The following ANKRD11 variants were observed in gnomAD, a reference collection of about 807,000 sequenced individuals.
ANKRD11 encodes ankyrin repeat domain 11.
A neutral mutation model predicts 195.7 loss-of-function variants in ANKRD11; 17 were observed. That is an observed-to-expected ratio of 0.09 (90% CI 0.06 to 0.13). The LOEUF (loss-of-function observed/expected upper bound fraction) is 0.13, where lower values mean the gene tolerates loss of function less well. ANKRD11 is among the 10% of genes least tolerant of loss of function. ANKRD11 has a pLI of 1.00. For synonymous variants in ANKRD11, 1,953 were observed against 1,528.1 expected (o/e 1.28, Z -6.49); for missense variants, 3,735 against 3,566.1 (o/e 1.05, Z -1.21).
At chr16:89,320,243 G>C (rs910830299) in intron 2 of ANKRD11, 1 of 152,170 alleles carries the variant, frequency 6.6e-6, no homozygotes, top group South Asian at 2.1e-4. Context: ...CTGCACAGCC[G>C]ACCACACAAC....
intron 2 of ANKRD11, among the ~76,000 whole-genome samples, chr16:89,385,045 C>T (rs2040849142): frequency 6.6e-6 from 1 of 151,678 alleles, no homozygotes; most frequent in African/African-American, 2.4e-5. Context: ...ACCACCATGC[C>T]AGGCTAATTT....
chr16:89,359,975 G>A (rs1007676345), intron 2 of ANKRD11, among the ~76,000 whole-genome samples: 1 of 151,962 alleles, frequency 6.6e-6, no homozygotes, highest in African/African-American at 2.4e-5. Context: ...TGGGCGGGGG[G>A]GGAGGTTGTA....
chr16:89,449,741 C>T (rs1296130591), intron 1 of ANKRD11, among the ~76,000 whole-genome samples: 1 of 152,016 alleles, frequency 6.6e-6, no homozygotes, highest in East Asian at 1.9e-4. Context: ...TGCAGTGAGC[C>T]GAGATTGTGT....
intron 1 of ANKRD11, among the ~76,000 whole-genome samples, chr16:89,458,218 G>A (rs968742476): frequency 2.0e-5 from 3 of 151,770 alleles, no homozygotes; most frequent in South Asian, 2.1e-4. Flanking sequence ...CTTGCTTTAC[G>A]TAATTTCATT....
intron 1 of ANKRD11, among the ~76,000 whole-genome samples, chr16:89,466,377 C>T (rs533200856): frequency 1.1e-4 from 16 of 152,062 alleles, no homozygotes; most frequent in Non-Finnish European, 1.9e-4. Context: ...ACACAGGGGA[C>T]CGCATGAGGA....
Position 89,285,054 on chromosome 16 carries a change from C to T in ANKRD11, c.1488G>A (p.Leu496=). The change falls in exon 9 of 13, where the codon CTG becomes CTA. Residue 496 remains leucine (L), a synonymous_variant. Transcript: ENST00000301030. This position sits in a 1 kb window ranked among gnomAD's most constrained non-coding sequence, Gnocchi z 5.6. ...SESGEDDRDS[L]GSSGCLKGSP... Reference sequence around the variant, plus strand: ...ACCCCTTGAGGCAGCCAGAGCTCCCCAGAGAGTCCCTGTCATCCTCCCCAC... The same window carrying T: ...ACCCCTTGAGGCAGCCAGAGCTCCCTAGAGAGTCCCTGTCATCCTCCCCAC... The T allele has an allele frequency of 1.9e-6, 3 of 1,613,942 alleles. No individual in the cohort carries two copies. The highest frequency in any genetic ancestry group is 1.7e-6 in the Non-Finnish European group (2 of 1,180,014).
intron 2 of ANKRD11, among the ~76,000 whole-genome samples, chr16:89,367,836 T>A (rs1597804574): frequency 6.6e-6 from 1 of 152,202 alleles, no homozygotes; most frequent in East Asian, 1.9e-4. Context: ...GGCGAAACCC[T>A]GTCTCTACAA....
At chr16:89,440,321 G>T (rs551330402) in intron 1 of ANKRD11, among the ~76,000 whole-genome samples, 14 of 152,326 alleles carry the variant, frequency 9.2e-5, no homozygotes, top group African/African-American at 3.4e-4. Flanking sequence ...ACCAGAAAAT[G>T]TCTCGGTCCA....
chr16:89,461,959 A>C (rs1473265724), intron 1 of ANKRD11, among the ~76,000 whole-genome samples: 1 of 151,966 alleles, frequency 6.6e-6, no homozygotes, highest in Non-Finnish European at 1.5e-5. Flanking sequence ...CCATCCCAGC[A>C]TCTTCTTAAT....
rs891245426 is a variant in ANKRD11 at position 89,418,304 on chromosome 16, A to T, written c.-80T>A. On this transcript the variant is annotated 5_prime_UTR_variant, in exon 2 of 13. Transcript: ENST00000301030. ...TTTACCGATTCCATAGCTGAAAGTC[A>T]GTGCTGACGAGGACTGTCTTTTAAA... The T allele has an allele frequency of 2.2e-6, 1 of 454,108 alleles. No homozygotes were observed. The highest frequency in any genetic ancestry group is 2.3e-5 in the Admixed American group (1 of 42,572). 28.1% of individuals were successfully genotyped at this position (454,108 alleles called of 1,614,324 possible). A position where few individuals can be genotyped will look rare whatever the true frequency, so the allele number is the denominator to read the frequency against.
At chr16:89,351,114 CAGAG>C (rs1288236475) in intron 2 of ANKRD11, among the ~76,000 whole-genome samples, 6 of 152,198 alleles carry the variant, frequency 3.9e-5, no homozygotes, top group Non-Finnish European at 8.8e-5. Context: ...AAGAAGCTCT[CAGAG>C]AGAATGCACG....
intron 12 of ANKRD11, 81 bp downstream of exon 12, chr16:89,270,736 G>A (rs1055067755): frequency 1.9e-5 from 26 of 1,400,454 alleles, no homozygotes; most frequent in South Asian, 4.8e-5. Context: ...CCCAGGCAGC[G>A]CAAAGGGGGT....
At chr16:89,302,114 GC>G (rs2035892884) in intron 4 of ANKRD11, among the ~76,000 whole-genome samples, 2 of 152,204 alleles carry the variant, frequency 1.3e-5, no homozygotes, top group African/African-American at 4.8e-5. Context: ...CTGCTGGTGT[GC>G]GCCTCTCCCT....
At chr16:89,343,324 T>C (rs1198321078) in intron 2 of ANKRD11, among the ~76,000 whole-genome samples, 1 of 152,224 alleles carries the variant, frequency 6.6e-6, no homozygotes, top group African/African-American at 2.4e-5. Context: ...AATACCTGTG[T>C]TCCCAAAAAC....
intron 2 of ANKRD11, chr16:89,395,744 C>T (rs1410718788): frequency 6.6e-6 from 1 of 152,202 alleles, no homozygotes; most frequent in African/African-American, 2.4e-5. Flanking sequence ...GACTGAATAG[C>T]TTGGTACACT....
At chr16:89,352,395 G>T (rs555034620) in intron 2 of ANKRD11, among the ~76,000 whole-genome samples, 4 of 151,554 alleles carry the variant, frequency 2.6e-5, no homozygotes, top group African/African-American at 9.7e-5. Context: ...AAACCAAGCA[G>T]AAGGCCACAG....
chr16:89,473,680 G>C (rs1225654988), intron 1 of ANKRD11, among the ~76,000 whole-genome samples: 1 of 152,174 alleles, frequency 6.6e-6, no homozygotes, highest in Non-Finnish European at 1.5e-5. Flanking sequence ...CCAATTCCCA[G>C]AGACTGACAT....
In ANKRD11 at chr16:89,392,453, G is replaced by T. The variant is rs559940680; in HGVS notation, c.-60+25831C>A. 2.6e-5 allele frequency: 4 copies of T among 152,092 alleles called. No individual in the cohort carries two copies. In the East Asian group the frequency reaches 5.8e-4, roughly 22 times the overall value. The allele number at this position is 152,092 out of a possible 1,614,324, so 9.4% of individuals were successfully genotyped here. The stretch of plus-strand genomic sequence containing the variant: ...ACATTTTCTACAATGGGTAAACGAT[G>T]GAAATAAGAAAAACAATGTTTATGT... On this transcript the variant is annotated intron_variant, in intron 2 of 12. Transcript: ENST00000301030.
chr16:89,490,502 C>A lies in ANKRD11; in HGVS notation c.-402G>T. On this transcript the variant is annotated 5_prime_UTR_variant, in exon 1 of 13. Coordinates refer to ENST00000301030, the MANE Select transcript of ANKRD11 (RefSeq NM_013275.6). ...ATGGGGCGTCTGGCCGCGGGCTCGG[C>A]GGCGGCGCCTCCCCGGCTGGGGCCC... 1 of 466,054 alleles carries A rather than the reference C, an allele frequency of 2.1e-6. No individual in the cohort carries two copies. The highest frequency in any genetic ancestry group is 3.4e-5 in the Admixed American group (1 of 29,262). The allele number at this position is 466,054 out of a possible 1,614,324, so 28.9% of individuals were successfully genotyped here. A position where few individuals can be genotyped will look rare whatever the true frequency, so the allele number is the denominator to read the frequency against.
Sources: allele counts gnomAD v4.1 joint callset (sites outside exome capture counted in the v4.1 genomes callset), GRCh38; gene constraint gnomAD v4.1.1; non-coding constraint Gnocchi (gnomAD v3.1); transcripts MANE v1.5; gene names NCBI Gene and HGNC (gene_info 2026-07-23, HGNC 2026-07-21).